CD247: variants seen among roughly 807,000 people sequenced by gnomAD.
CD247 encodes the protein CD247 molecule.
In CD247, 13 loss-of-function variants were observed where a neutral mutation model predicts 30.0. That is an observed-to-expected ratio of 0.43 (90% CI 0.28 to 0.69). The LOEUF is 0.69. Ranked by LOEUF, CD247 falls within the 30% of genes least tolerant of loss-of-function variation. The probability of loss-of-function intolerance (pLI) is 0.16; values close to 1 mark genes in which losing one functional copy is unlikely to be tolerated. For missense variants in CD247, 193 were observed against 212.6 expected (o/e 0.91, Z 0.57); for synonymous variants, 72 against 80.0 (o/e 0.90, Z 0.53).
At chr1:167,503,729 G>A (rs1037259746) in intron 1 of CD247, among the ~76,000 whole-genome samples, 3 of 152,176 alleles carry the variant, frequency 2.0e-5, no homozygotes, top group Admixed American at 6.5e-5. Context: ...TGACACATCT[G>A]AGCAGGTGGC....
At chr1:167,504,123 G>T (rs939780388) in intron 1 of CD247, among the ~76,000 whole-genome samples, 2 of 152,206 alleles carry the variant, frequency 1.3e-5, no homozygotes, top group African/African-American at 4.8e-5. Flanking sequence ...CAGGCTGCCT[G>T]GGGCCAAAGG....
At chr1:167,487,300 C>T (rs1654253960) in intron 1 of CD247, among the ~76,000 whole-genome samples, 3 of 152,128 alleles carry the variant, frequency 2.0e-5, no homozygotes, top group Non-Finnish European at 2.9e-5. Context: ...CGCTTGAATT[C>T]GGGAGGTGGA....
chr1:167,518,349 C>A (rs35864197), intron 1 of CD247, 59 bp downstream of exon 1: 2 of 1,513,838 alleles, frequency 1.3e-6, no homozygotes, highest in South Asian at 2.2e-5. Flanking sequence ...CACACCCACT[C>A]CCCTACACAT....
chr1:167,500,492 T>A (rs1342512295), intron 1 of CD247, among the ~76,000 whole-genome samples: 1 of 152,204 alleles, frequency 6.6e-6, no homozygotes, highest in Non-Finnish European at 1.5e-5. Flanking sequence ...ATTAGAGAGG[T>A]GGCCTGTACA....
chr1:167,466,262 CAGA>C (rs1303459098), intron 1 of CD247, among the ~76,000 whole-genome samples: 1 of 152,176 alleles, frequency 6.6e-6, no homozygotes, highest in Non-Finnish European at 1.5e-5. Flanking sequence ...AATGCACAAA[CAGA>C]AGAATTCCTC....
intron 1 of CD247, among the ~76,000 whole-genome samples, chr1:167,466,417 T>C (rs1653249430): frequency 6.6e-6 from 1 of 152,196 alleles, no homozygotes; most frequent in Non-Finnish European, 1.5e-5. Flanking sequence ...TTCGTCTTTT[T>C]TTTTTTAAAT....
chr1:167,509,295 T>C (rs1251042002), intron 1 of CD247, among the ~76,000 whole-genome samples: 1 of 139,448 alleles, frequency 7.2e-6, no homozygotes, highest in Non-Finnish European at 1.5e-5. Context: ...GAACCCAGGA[T>C]GGGGGTTGTG....
chr1:167,514,097 C>T (rs923904951), intron 1 of CD247, among the ~76,000 whole-genome samples: 1 of 152,180 alleles, frequency 6.6e-6, no homozygotes, highest in Non-Finnish European at 1.5e-5. Context: ...TTCCTTCATT[C>T]ACTCACCTTT....
At chr1:167,437,601 A>G (rs1224885982) in intron 4 of CD247, among the ~76,000 whole-genome samples, 1 of 152,200 alleles carries the variant, frequency 6.6e-6, no homozygotes, top group Non-Finnish European at 1.5e-5. Flanking sequence ...GCCAAGTGAA[A>G]TCAGCCAGGC....
intron 4 of CD247, among the ~76,000 whole-genome samples, chr1:167,435,824 C>T (rs1651522081): frequency 6.6e-6 from 1 of 152,228 alleles, no homozygotes; most frequent in South Asian, 2.1e-4. Context: ...GAAAGGTGCC[C>T]TCCCCACACC....
chr1:167,504,445 A>G (rs906873851), intron 1 of CD247, among the ~76,000 whole-genome samples: 5 of 152,376 alleles, frequency 3.3e-5, no homozygotes, highest in African/African-American at 1.2e-4. Flanking sequence ...TTTTATTTCT[A>G]TCTCTGATAA....
At chr1:167,490,610 C>A (rs886385334) in intron 1 of CD247, among the ~76,000 whole-genome samples, 1 of 150,932 alleles carries the variant, frequency 6.6e-6, no homozygotes, top group Non-Finnish European at 1.5e-5. Flanking sequence ...GCAACAAGAG[C>A]GAGTCTCCGT....
chr1:167,440,614 C>T (rs773061102), intron 2 of CD247, 50 bp downstream of exon 2: 1 of 1,231,072 alleles, frequency 8.1e-7, no homozygotes, highest in Admixed American at 1.7e-5. Context: ...TCTGAACATC[C>T]ATCAAGTGGG....
At chr1:167,435,921 C>A (rs1651527008) in intron 4 of CD247, among the ~76,000 whole-genome samples, 1 of 152,236 alleles carries the variant, frequency 6.6e-6, no homozygotes, top group African/African-American at 2.4e-5. Flanking sequence ...AGCCTCTCTA[C>A]TGCCCATTCA....
intron 1 of CD247, chr1:167,448,366 G>T: frequency 1.0e-6 from 1 of 985,442 alleles, no homozygotes; most frequent in African/African-American, 1.7e-5. Flanking sequence ...CTGATCCTCA[G>T]AGGTGGTGAG....
At position 167,449,149 on chromosome 1, in the gene CD247, C is replaced by CTTTTTTTTTTTTTT. The variant is rs71097676; in HGVS notation, c.59-8396_59-8383dup. Among the ~76,000 whole-genome samples, 237 of 66,322 alleles carry CTTTTTTTTTTTTTT rather than the reference C, an allele frequency of 3.6e-3. 3 individuals carry two copies. Among genetic ancestry groups the CTTTTTTTTTTTTTT allele is most frequent in the Non-Finnish European group, 5.0e-3 (201 of 40,100 alleles). The allele number at this position is 66,322 out of a possible 152,430, so 43.5% of individuals were successfully genotyped here. ...GATACTTTGTGATCATTTTTCTTTT[C>CTTTTTTTTTTTTTT]TTTTTTTTTTTTTTTTTTTTTGAGA... On this transcript the variant is annotated intron_variant, in intron 1 of 7. Transcript: ENST00000362089.
intron 1 of CD247, among the ~76,000 whole-genome samples, chr1:167,462,352 T>A (rs1653059567): frequency 6.6e-6 from 1 of 151,962 alleles, no homozygotes; most frequent in Non-Finnish European, 1.5e-5. Context: ...ACACAGTGAG[T>A]CCAGCGATGA....
intron 3 of CD247, among the ~76,000 whole-genome samples, chr1:167,438,931 G>T (rs1219389522): frequency 1.3e-5 from 2 of 152,148 alleles, no homozygotes; most frequent in Non-Finnish European, 2.9e-5. Flanking sequence ...TGAGCAAATA[G>T]AGAAGTGGGG....
intron 1 of CD247, among the ~76,000 whole-genome samples, chr1:167,446,760 G>A (rs533944691): frequency 3.9e-5 from 6 of 152,300 alleles, no homozygotes; most frequent in African/African-American, 1.4e-4. Flanking sequence ...TTGGGAGGCC[G>A]AGGCGGGCGG....
Sources: gnomAD v4.1 joint callset for allele counts (sites outside exome capture counted in the v4.1 genomes callset) on GRCh38, gnomAD v4.1.1 for gene constraint, MANE v1.5 for transcripts, NCBI Gene and HGNC (gene_info 2026-07-23, HGNC 2026-07-21) for gene names.